Variants in ZNF71 observed in about 807,000 individuals in gnomAD.
ZNF71 encodes endothelial zinc finger protein induced by tumor necrosis factor alpha.
ZNF71 carries 3 observed loss-of-function variants against 6.7 expected under a neutral mutation model. The ratio of observed to expected loss-of-function variants is 0.45; its 90% CI spans 0.20 to 1.16. The LOEUF (loss-of-function observed/expected upper bound fraction) is 1.16. Among genes scored for constraint, ZNF71 ranks in the 50% most tolerant of loss-of-function variants. ZNF71 has a pLI of 0.25. For missense variants in ZNF71, 688 were observed against 728.6 expected, an observed-to-expected ratio of 0.94 and a Z score of 0.64; for synonymous variants, 343 against 311.1, an observed-to-expected ratio of 1.10 and a Z score of -1.08.
chr19:56,605,349 G>C lies in ZNF71; in HGVS notation c.33+3758G>C, dbSNP rs541650042. 5.9e-5 allele frequency among the ~76,000 whole-genome samples: 9 copies of C among 152,212 alleles called. No individual in the cohort carries two copies. The South Asian group carries it at 1.9e-3, about 32-fold the overall frequency. On this transcript the variant is annotated intron_variant, in intron 2 of 3. Coordinates refer to ENST00000599599, the MANE Select transcript of ZNF71 (RefSeq NM_001370215.1). ...AGCCCAAGCAGCCACAAGGAAAAGTGATGTGGAGAAAAAGAGATGCCCACC... is the reference window on the plus strand; with the variant it reads ...AGCCCAAGCAGCCACAAGGAAAAGTCATGTGGAGAAAAAGAGATGCCCACC...
intron 2 of ZNF71, among the ~76,000 whole-genome samples, chr19:56,611,531 G>A (rs956051423): frequency 2.6e-5 from 4 of 152,168 alleles, no homozygotes; most frequent in African/African-American, 7.2e-5. Context: ...GAAACATCAC[G>A]GGATCGCAGA....
In ZNF71 at chr19:56,598,729, G is replaced by T. The variant is rs2044644610; in HGVS notation, c.-52-2778G>T. On this transcript the variant is annotated intron_variant, in intron 1 of 3. Transcript: ENST00000599599. The surrounding 1 kb of genome is among the most constrained non-coding windows in gnomAD (Gnocchi z 4.2). Reference sequence around the variant, plus strand: ...TATGACAGTTTGGCAAATGTCTCTAGACGTTGACAAATGTCTCCGGGGGCA... The same window carrying T: ...TATGACAGTTTGGCAAATGTCTCTATACGTTGACAAATGTCTCCGGGGGCA... Among the ~76,000 whole-genome samples, 1 of 152,180 alleles carries T rather than the reference G, an allele frequency of 6.6e-6. No individual in the cohort carries two copies. Among genetic ancestry groups the T allele is most frequent in the South Asian group, 2.1e-4 (1 of 4,830 alleles).
At chr19:56,602,679 T>C (rs1449183415) in intron 2 of ZNF71, among the ~76,000 whole-genome samples, 5 of 152,254 alleles carry the variant, frequency 3.3e-5, no homozygotes, top group Non-Finnish European at 7.3e-5. Context: ...ATGATCCATC[T>C]TGTGCTTTAG....
At chr19:56,614,086 G>A (rs1445291837) in intron 3 of ZNF71, 148 bp downstream of exon 3, 5 of 538,728 alleles carry the variant, frequency 9.3e-6, no homozygotes, top group Non-Finnish European at 1.2e-5. Context: ...AGTTGATCAC[G>A]ATGGTATGGG....
Position 56,623,463 on chromosome 19 carries a change from G to C in ZNF71, c.*706G>C, listed in dbSNP as rs370399794. On this transcript the variant is annotated 3_prime_UTR_variant, in exon 4 of 4. Coordinates refer to ENST00000599599, the MANE Select transcript of ZNF71 (RefSeq NM_001370215.1). The stretch of plus-strand genomic sequence containing the variant: ...TTATTTTAAACAGTCTTCTGTTTTG[G>C]CCAGTTGTCTGGTCAAAATCGGCTT... The C allele has an allele frequency of 1.2e-5, 2 of 167,096 alleles. No individual in the cohort carries two copies. Among genetic ancestry groups the C allele is most frequent in the African/African-American group, 4.8e-5 (2 of 41,518 alleles). 10.4% of individuals were successfully genotyped at this position (167,096 alleles called of 1,614,324 possible).
Position 56,621,799 on chromosome 19 carries a change from C to G in ZNF71, c.692C>G (p.Ser231Trp). ...DTCGKHFIER[S>W]SLTIHQRVHT... The stretch of plus-strand genomic sequence containing the variant: ...TGTGGGAAGCACTTCATCGAGCGCT[C>G]GTCCCTCACCATCCACCAGCGGGTG... Residue 231 changes from serine to tryptophan, a missense_variant, in exon 4 of 4, where the codon TCG (serine) becomes TGG (tryptophan). Transcript: ENST00000599599. 1.2e-6 allele frequency: 2 copies of G among 1,613,960 alleles called. No homozygotes were observed. The highest frequency in any genetic ancestry group is 1.7e-6 in the Non-Finnish European group (2 of 1,179,976).
At chr19:56,615,661 C>T (rs2044785622) in intron 3 of ZNF71, among the ~76,000 whole-genome samples, 1 of 151,842 alleles carries the variant, frequency 6.6e-6, no homozygotes, top group Non-Finnish European at 1.5e-5. Flanking sequence ...CGTCACAGAG[C>T]CAGACCACTA....
chr19:56,596,098 C>A (rs2044620579), intron 1 of ZNF71, among the ~76,000 whole-genome samples: 1 of 151,724 alleles, frequency 6.6e-6, no homozygotes, highest in South Asian at 2.1e-4. Flanking sequence ...CTGCCTGTGT[C>A]CTTGTCTTTG....
intron 3 of ZNF71, among the ~76,000 whole-genome samples, chr19:56,620,420 G>C (rs976626541): frequency 3.9e-5 from 6 of 152,228 alleles, no homozygotes; most frequent in Non-Finnish European, 7.3e-5. Context: ...GGTCAGAGAA[G>C]GGTGGAGAAT....
chr19:56,596,259 T>C (rs2044622791), intron 1 of ZNF71, among the ~76,000 whole-genome samples: 1 of 152,128 alleles, frequency 6.6e-6, no homozygotes, highest in Non-Finnish European at 1.5e-5. Flanking sequence ...TGTCTGGATC[T>C]TTCCTATCTC....
In ZNF71 at chr19:56,623,971, A is replaced by G. The variant is rs2044888099; in HGVS notation, c.*1214A>G. On this transcript the variant is annotated 3_prime_UTR_variant, in exon 4 of 4. Coordinates refer to ENST00000599599, the MANE Select transcript of ZNF71 (RefSeq NM_001370215.1). ...TGTGAATACAGGGAAGCACCAACAG[A>G]CCATATCAGTAACTTCGAGTGAGTT... 6.0e-6 allele frequency: 1 copy of G among 167,100 alleles called. No homozygotes were observed. The highest frequency in any genetic ancestry group is 2.4e-5 in the African/African-American group (1 of 41,450). The allele number at this position is 167,100 out of a possible 1,614,324, so 10.4% of individuals were successfully genotyped here.
At chr19:56,617,746 C>G (rs191863965) in intron 3 of ZNF71, among the ~76,000 whole-genome samples, 1 of 152,098 alleles carries the variant, frequency 6.6e-6, no homozygotes, top group African/African-American at 2.4e-5. Flanking sequence ...TGGTTAAGGG[C>G]TGAGTGTTTG....
At position 56,622,450 on chromosome 19, in the gene ZNF71, A is replaced by G. The variant is rs2044866791; in HGVS notation, c.1343A>G (p.Lys448Arg). 1 of 1,603,040 alleles carries G rather than the reference A, an allele frequency of 6.2e-7. No individual in the cohort carries two copies. Residue 448 changes from lysine to arginine, a missense_variant, in exon 4 of 4, where the codon AAG becomes AGG. By Grantham distance (26) the Lys-to-Arg change is conservative. Transcript: ENST00000599599. ...AAGCCCTACGAGTGCTACATCTGCA[A>G]GAAGCACTTCACGGGGCGCTCGTCC... is the stretch of plus-strand genomic sequence containing the variant. ...GEKPYECYICKKHFTGRSSLI... is the reference protein window; with the variant it reads ...GEKPYECYICRKHFTGRSSLI...
rs180838764 is a variant in ZNF71, at chr19:56,618,393, G to T, written c.161-2875G>T. 6.6e-6 allele frequency among the ~76,000 whole-genome samples: 1 copy of T among 152,216 alleles called. No individual in the cohort carries two copies. Among genetic ancestry groups the T allele is most frequent in the African/African-American group, 2.4e-5 (1 of 41,450 alleles). On this transcript the variant is annotated intron_variant, in intron 3 of 3. Coordinates refer to ENST00000599599, the MANE Select transcript of ZNF71 (RefSeq NM_001370215.1). The surrounding 1 kb of genome is among the most constrained non-coding windows in gnomAD (Gnocchi z 4.6). ...CAAATTGTTCAGCACTGTGCCAGGC[G>T]TGTTGCCAGTGCTCCATACTCGCTT...
rs775273656 is a variant in ZNF71, at chr19:56,622,167, G to T, written c.1060G>T (p.Gly354Trp). ...HLTEHQRTHT[G>W]EKPYACKECG... ...GACCGAGCACCAGCGCACGCACACC[G>T]GGGAGAAGCCGTACGCCTGCAAGGA... Residue 354 changes from glycine (G) to tryptophan (W), a missense_variant, in exon 4 of 4, where the codon GGG (glycine) becomes TGG (tryptophan). Physicochemically the swap from Gly to Trp is radical, Grantham distance 184. Transcript: ENST00000599599. 6.2e-7 allele frequency: 1 copy of T among 1,613,828 alleles called. No homozygotes were observed. The highest frequency in any genetic ancestry group is 2.2e-5 in the East Asian group (1 of 44,846).
intron 1 of ZNF71, among the ~76,000 whole-genome samples, chr19:56,600,208 T>A (rs2044659920): frequency 7.0e-5 from 3 of 42,818 alleles, no homozygotes; most frequent in African/African-American, 1.1e-4. Context: ...TTTTTTTTTT[T>A]GAGACGGAGT....
At chr19:56,620,511 CTTCTT>C (rs1387706561) in intron 3 of ZNF71, among the ~76,000 whole-genome samples, 2 of 151,916 alleles carry the variant, frequency 1.3e-5, no homozygotes, top group Non-Finnish European at 2.9e-5. Flanking sequence ...TATTCTTTTT[CTTCTT>C]TTTTCAATAT....
At chr19:56,605,927 T>C (rs1332813753) in intron 2 of ZNF71, among the ~76,000 whole-genome samples, 2 of 152,234 alleles carry the variant, frequency 1.3e-5, no homozygotes, top group African/African-American at 4.8e-5. Flanking sequence ...GGCCATCTAA[T>C]GTTGGGGCTG....
intron 2 of ZNF71, among the ~76,000 whole-genome samples, chr19:56,604,180 A>G (rs1194773871): frequency 1.3e-5 from 2 of 152,182 alleles, no homozygotes; most frequent in African/African-American, 2.4e-5. Flanking sequence ...GTGAGAGGGA[A>G]CTTTTGGAGG....
Sources: allele counts gnomAD v4.1 joint callset (sites outside exome capture counted in the v4.1 genomes callset), GRCh38; gene constraint gnomAD v4.1.1; non-coding constraint Gnocchi (gnomAD v3.1); transcripts MANE v1.5; gene names NCBI Gene and HGNC (gene_info 2026-07-23, HGNC 2026-07-21).